GABRR2: variants seen among roughly 807,000 people sequenced by gnomAD.
GABRR2 encodes the protein gamma-aminobutyric acid type A receptor subunit rho2.
GABRR2 carries 36 observed loss-of-function variants against 47.0 expected under a neutral mutation model. The ratio of observed to expected loss-of-function variants is 0.77; its 90% CI spans 0.59 to 1.01. GABRR2 has a LOEUF of 1.01. Ranked by LOEUF, GABRR2 falls within the 50% of genes least tolerant of loss-of-function variation. GABRR2 has a pLI of 0.00. For missense variants in GABRR2, 587 were observed against 594.6 expected, an observed-to-expected ratio of 0.99 and a Z score of 0.13; for synonymous variants, 204 against 227.5, an observed-to-expected ratio of 0.90 and a Z score of 0.93.
intron 1 of GABRR2, among the ~76,000 whole-genome samples, chr6:89,301,630 A>G (rs983264569): frequency 4.6e-5 from 7 of 151,962 alleles, no homozygotes; most frequent in Non-Finnish European, 1.0e-4. Flanking sequence ...TGATTGCCAC[A>G]AAAAGAATAA....
chr6:89,303,063 T>A, intron 1 of GABRR2: 1 of 916,544 alleles, frequency 1.1e-6, no homozygotes, highest in Admixed American at 1.9e-5. Context: ...AGGAGGAGGG[T>A]GAGATGTTCG....
chr6:89,298,301 C>T (rs1188038494), intron 2 of GABRR2, among the ~76,000 whole-genome samples: 1 of 152,184 alleles, frequency 6.6e-6, no homozygotes. Context: ...TTCTTAATCC[C>T]TTAACAGTCA....
chr6:89,282,074 T>G (rs1562370886), intron 2 of GABRR2, among the ~76,000 whole-genome samples: 2 of 152,138 alleles, frequency 1.3e-5, no homozygotes, highest in African/African-American at 4.8e-5. Flanking sequence ...TCCTTCCTCA[T>G]ACTCAATGTA....
chr6:89,313,263 CTG>C (rs1287037068), intron 1 of GABRR2, among the ~76,000 whole-genome samples: 3 of 152,202 alleles, frequency 2.0e-5, no homozygotes, highest in East Asian at 1.9e-4. Flanking sequence ...GTCCAAAAAA[CTG>C]TGGATTTTTT....
chr6:89,264,355 A>G, intron 8 of GABRR2, 57 bp downstream of exon 8: 1 of 1,548,036 alleles, frequency 6.5e-7, no homozygotes, highest in South Asian at 1.2e-5. Flanking sequence ...GGCCCAGAAG[A>G]CCTTCATTTT....
intron 2 of GABRR2, among the ~76,000 whole-genome samples, chr6:89,297,685 T>A (rs893076725): frequency 6.6e-6 from 1 of 152,120 alleles, no homozygotes; most frequent in Non-Finnish European, 1.5e-5. Flanking sequence ...TGAAACCCTG[T>A]CTCTACTAAA....
In GABRR2 at chr6:89,315,117, G is replaced by C; in HGVS notation, c.49C>G (p.Leu17Val). 6.2e-7 allele frequency: 1 copy of C among 1,613,824 alleles called. No homozygotes were observed. Among genetic ancestry groups the C allele is most frequent in the South Asian group, 1.1e-5 (1 of 91,072 alleles). The change falls in exon 1 of 9, where the codon CTC (leucine) becomes GTC (valine). Residue 17 changes from leucine (L) to valine (V), a missense_variant. Physicochemically the swap from Leu to Val is conservative, Grantham distance 32 (BLOSUM62 1). Transcript: ENST00000402938. ...LILFLFCLMVLVESRKPKRKR... is the reference protein window; with the variant it reads ...LILFLFCLMVVVESRKPKRKR... Reference sequence around the variant, plus strand: ...CTCTTGGGTTTTCTGCTCTCCACGAGAACCATCAAGCAAAACAAGAACAAA... The same window carrying C: ...CTCTTGGGTTTTCTGCTCTCCACGACAACCATCAAGCAAAACAAGAACAAA...
chr6:89,292,733 AT>A (rs1562379344), intron 2 of GABRR2, among the ~76,000 whole-genome samples: 64 of 99,078 alleles, frequency 6.5e-4, no homozygotes, highest in East Asian at 3.9e-3. Flanking sequence ...TATCGTATAT[AT>A]CATATATAAT....
Position 89,257,534 on chromosome 6 carries a change from G to T in GABRR2, c.*136C>A. 2.8e-6 allele frequency: 2 copies of T among 713,178 alleles called. No homozygotes were observed. The highest frequency in any genetic ancestry group is 2.3e-6 in the Non-Finnish European group (1 of 438,260). 44.2% of individuals were successfully genotyped at this position (713,178 alleles called of 1,614,324 possible). A position where few individuals can be genotyped will look rare whatever the true frequency, so the allele number is the denominator to read the frequency against. ...GGAAGGCTCCTGGGCTTCTCTGAGAGATGAGTGCTGCTCAGGGTGGTCCAG... is the reference window on the plus strand; with the variant it reads ...GGAAGGCTCCTGGGCTTCTCTGAGATATGAGTGCTGCTCAGGGTGGTCCAG... On this transcript the variant is annotated 3_prime_UTR_variant, in exon 9 of 9. Coordinates refer to ENST00000402938, the MANE Select transcript of GABRR2 (RefSeq NM_002043.5).
intron 1 of GABRR2, among the ~76,000 whole-genome samples, chr6:89,304,756 T>C (rs138959068): frequency 6.6e-6 from 1 of 152,230 alleles, no homozygotes; most frequent in East Asian, 1.9e-4. Context: ...CTCACACCAG[T>C]CAGAATCACT....
chr6:89,268,907 G>T, intron 4 of GABRR2, 104 bp downstream of exon 4: 1 of 985,896 alleles, frequency 1.0e-6, no homozygotes, highest in Non-Finnish European at 1.6e-6. Context: ...TCCCATCCAC[G>T]AACCCACAGA....
At chr6:89,297,806 T>C (rs1351407411) in intron 2 of GABRR2, among the ~76,000 whole-genome samples, 2 of 152,140 alleles carry the variant, frequency 1.3e-5, no homozygotes, top group African/African-American at 4.8e-5. Flanking sequence ...TGAGCTGAGA[T>C]TGCGCCTCTG....
At chr6:89,269,292 A>G (rs751271291) in intron 3 of GABRR2, 58 bp from the exon 4 acceptor site, 28 of 1,300,356 alleles carry the variant, frequency 2.2e-5, no homozygotes, top group Admixed American at 5.1e-5. Flanking sequence ...CTTCCTTACA[A>G]TCAACCCACC....
intron 2 of GABRR2, among the ~76,000 whole-genome samples, chr6:89,281,973 C>T (rs1337588230): frequency 6.6e-6 from 1 of 152,218 alleles, no homozygotes; most frequent in Admixed American, 6.5e-5. Flanking sequence ...CTTCAGAAGG[C>T]TGTCATGCCC....
At chr6:89,271,752 G>A in intron 2 of GABRR2, 30 bp from the exon 3 acceptor site, 3 of 1,595,398 alleles carry the variant, frequency 1.9e-6, no homozygotes, top group Non-Finnish European at 1.7e-6. Flanking sequence ...GCTGGTTAAG[G>A]CACCTTCCTC....
rs1407967606 is a variant in GABRR2, at chr6:89,256,811, T to C, written c.*859A>G. ...ACTCCATGCACATTGCTACATGTCA[T>C]TGCTGGGCAAAATTAGTGCTATCTG... On this transcript the variant is annotated 3_prime_UTR_variant, in exon 9 of 9. Transcript: ENST00000402938. Among the ~76,000 whole-genome samples, 5 of 152,218 alleles carry C rather than the reference T, an allele frequency of 3.3e-5. No homozygotes were observed. The highest frequency in any genetic ancestry group is 4.4e-5 in the Non-Finnish European group (3 of 68,038).
At chr6:89,297,624 G>T (rs1324520385) in intron 2 of GABRR2, among the ~76,000 whole-genome samples, 1 of 152,230 alleles carries the variant, frequency 6.6e-6, no homozygotes, top group East Asian at 1.9e-4. Context: ...GGAGGCTGAG[G>T]TGGGTGGATC....
intron 1 of GABRR2, among the ~76,000 whole-genome samples, chr6:89,306,663 T>C (rs1767564250): frequency 6.6e-6 from 1 of 152,118 alleles, no homozygotes; most frequent in African/African-American, 2.4e-5. Context: ...AAAGGAGTGA[T>C]TCTCTCTTCT....
Position 89,256,312 on chromosome 6 carries a change from A to C in GABRR2, c.*1358T>G, listed in dbSNP as rs145959468. 5.8e-3 allele frequency among the ~76,000 whole-genome samples: 881 copies of C among 151,696 alleles called. 15 individuals carry two copies. Among genetic ancestry groups the C allele is most frequent in the African/African-American group, 0.02 (820 of 41,310 alleles). On this transcript the variant is annotated 3_prime_UTR_variant, in exon 9 of 9. Transcript: ENST00000402938. ...TATTACTGAGGCACTAAACACTCTT[A>C]ATCTTATATTATAGATATTTGTGTG...
Sources: gnomAD v4.1 joint callset for allele counts (sites outside exome capture counted in the v4.1 genomes callset) on GRCh38, gnomAD v4.1.1 for gene constraint, MANE v1.5 for transcripts, NCBI Gene and HGNC (gene_info 2026-07-23, HGNC 2026-07-21) for gene names.